SCN3A: variants seen among roughly 807,000 people sequenced by gnomAD.
SCN3A encodes the protein sodium channel protein type 3 subunit alpha.
SCN3A carries 60 observed loss-of-function variants against 187.6 expected under a neutral mutation model. The observed-to-expected ratio is 0.32, with a 90% CI of 0.26 to 0.40. The LOEUF is 0.40. SCN3A is among the 10% of genes least tolerant of loss of function. The pLI is 1.00. For missense variants in SCN3A, 1,601 were observed against 2,428.2 expected (o/e 0.66, Z 7.16); for synonymous variants, 788 against 829.2 (o/e 0.95, Z 0.85).
intron 1 of SCN3A, among the ~76,000 whole-genome samples, chr2:165,202,805 C>T (rs1692402754): frequency 6.6e-6 from 1 of 152,006 alleles, no homozygotes; most frequent in Non-Finnish European, 1.5e-5. Context: ...CCTACAAGCA[C>T]TTATGCCTTT....
intron 19 of SCN3A, among the ~76,000 whole-genome samples, chr2:165,115,179 T>A (rs922047506): frequency 2.6e-5 from 4 of 152,008 alleles, no homozygotes; most frequent in African/African-American, 9.7e-5. Flanking sequence ...GTGGCTGAGG[T>A]AGCAGCGACT....
chr2:165,137,800 C>A, intron 15 of SCN3A, 79 bp downstream of exon 15: 2 of 1,135,130 alleles, frequency 1.8e-6, no homozygotes, highest in South Asian at 2.5e-5. Flanking sequence ...GGGTTCAACA[C>A]AGCACAAATA....
intron 21 of SCN3A, among the ~76,000 whole-genome samples, chr2:165,106,015 C>T (rs1004281880): frequency 3.9e-5 from 6 of 152,126 alleles, no homozygotes; most frequent in Non-Finnish European, 8.8e-5. Context: ...ATTCACAATG[C>T]TCACATGCTA....
intron 22 of SCN3A, among the ~76,000 whole-genome samples, chr2:165,098,257 G>A (rs995180530): frequency 1.3e-5 from 2 of 152,254 alleles, no homozygotes; most frequent in African/African-American, 2.4e-5. Flanking sequence ...AAGATATTAA[G>A]ATGTATTTTG....
intron 3 of SCN3A, among the ~76,000 whole-genome samples, chr2:165,175,503 A>G (rs556224111): frequency 5.9e-5 from 9 of 152,028 alleles, no homozygotes; most frequent in Non-Finnish European, 1.0e-4. Context: ...TTGGTCTTCC[A>G]ATTTTGACAT....
intron 11 of SCN3A, among the ~76,000 whole-genome samples, chr2:165,151,004 A>G (rs1330324067): frequency 2.6e-5 from 4 of 152,180 alleles, no homozygotes; most frequent in Non-Finnish European, 5.9e-5. Context: ...TCAAATGTAG[A>G]ACTTTCTGGC....
intron 2 of SCN3A, among the ~76,000 whole-genome samples, chr2:165,177,293 C>A (rs1690530137): frequency 6.6e-6 from 1 of 152,126 alleles, no homozygotes; most frequent in African/African-American, 2.4e-5. Context: ...CCGTTCTAAA[C>A]CCTGGCTCTG....
chr2:165,174,576 G>A (rs1241659511), intron 3 of SCN3A, among the ~76,000 whole-genome samples: 3 of 152,034 alleles, frequency 2.0e-5, no homozygotes, highest in Non-Finnish European at 4.4e-5. Flanking sequence ...CTTTTTTAAG[G>A]ACACTTCCTT....
intron 2 of SCN3A, among the ~76,000 whole-genome samples, chr2:165,181,704 C>A (rs1366399180): frequency 6.6e-6 from 1 of 152,060 alleles, no homozygotes; most frequent in African/African-American, 2.4e-5. Flanking sequence ...GTCTGAATAA[C>A]CATAGTTTGT....
At chr2:165,146,691 AG>A in intron 12 of SCN3A, 47 bp downstream of exon 12, 1 of 1,606,068 alleles carries the variant, frequency 6.2e-7, no homozygotes, top group Non-Finnish European at 8.5e-7. Context: ...AAAACTAAAA[AG>A]CAATAGCAAT....
In SCN3A at chr2:165,150,184, C is replaced by T. The variant is rs151309102; in HGVS notation, c.1381-3155G>A. 1.9e-4 allele frequency among the ~76,000 whole-genome samples: 29 copies of T among 152,224 alleles called. No homozygotes were observed. In the East Asian group the frequency reaches 5.6e-3, roughly 29 times the overall value. ...CTAGGACAAAACATTGATTTCTTTGCAGGGTTTGTGTTTCTCCACATTATT... is the reference window on the plus strand; with the variant it reads ...CTAGGACAAAACATTGATTTCTTTGTAGGGTTTGTGTTTCTCCACATTATT... On this transcript the variant is annotated intron_variant, in intron 11 of 27. Transcript: ENST00000283254.
In SCN3A at chr2:165,092,376, T is replaced by G; in HGVS notation, c.4685A>C (p.Asn1562Thr). 1 of 1,613,940 alleles carries G rather than the reference T, an allele frequency of 6.2e-7. No homozygotes were observed. The highest frequency in any genetic ancestry group is 8.5e-7 in the Non-Finnish European group (1 of 1,179,948). The change falls in exon 27 of 28, where the codon AAC becomes ACC. Residue 1562 changes from asparagine (N) to threonine (T), a missense_variant. This residue lies in a region of SCN3A where 320 missense variants were observed against 623.2 expected (regional missense o/e 0.51). Transcript: ENST00000283254. This position sits in a 1 kb window ranked among gnomAD's most constrained non-coding sequence, Gnocchi z 4.2. ...AGTGAACAGAACAATGAACACTAGG[T>G]TGATCCGGGACAAAACTAGGGTCAT... ...KYMTLVLSRI[N>T]LVFIVLFTGE...
chr2:165,170,669 A>C lies in SCN3A; in HGVS notation c.265-121T>G, dbSNP rs1046758140. 4 of 663,492 alleles carry C rather than the reference A, an allele frequency of 6.0e-6. No individual in the cohort carries two copies. The African/African-American group carries it at 7.3e-5, about 12-fold the overall frequency. The allele number at this position is 663,492 out of a possible 1,614,324, so 41.1% of individuals were successfully genotyped here. ...TTGTTCAAACTTGTTTGTTTAAACC[A>C]GTTGATATATCATAACTACAAACAT... On this transcript the variant is annotated intron_variant, in intron 3 of 27. Coordinates refer to ENST00000283254, the MANE Select transcript of SCN3A (RefSeq NM_006922.4).
chr2:165,118,264 A>G (rs1001404511), intron 18 of SCN3A, among the ~76,000 whole-genome samples: 1 of 152,180 alleles, frequency 6.6e-6, no homozygotes, highest in Non-Finnish European at 1.5e-5. Context: ...TTGACAATGG[A>G]CAAGGAAAAA....
intron 2 of SCN3A, among the ~76,000 whole-genome samples, chr2:165,184,309 A>G (rs1015249625): frequency 1.3e-5 from 2 of 152,094 alleles, no homozygotes; most frequent in Non-Finnish European, 2.9e-5. Context: ...AATTCTATTG[A>G]ATGATTACTA....
intron 1 of SCN3A, among the ~76,000 whole-genome samples, chr2:165,197,216 C>T (rs887221719): frequency 9.9e-5 from 15 of 152,126 alleles, no homozygotes; most frequent in African/African-American, 3.4e-4. Context: ...TTACTTAACA[C>T]ATGCCCGCTG....
intron 19 of SCN3A, among the ~76,000 whole-genome samples, chr2:165,114,445 G>A (rs1686262861): frequency 3.9e-5 from 6 of 152,136 alleles, no homozygotes; most frequent in Admixed American, 1.3e-4. Flanking sequence ...TTCAGCCTCA[G>A]TGCTTCTCTT....
chr2:165,122,262 C>A (rs1256724451), intron 18 of SCN3A, among the ~76,000 whole-genome samples: 8 of 128,444 alleles, frequency 6.2e-5, no homozygotes, highest in Non-Finnish European at 9.7e-5. Flanking sequence ...TTTACAGAAC[C>A]TTTCCCCCAA....
chr2:165,118,759 ATATT>A (rs748183025), intron 18 of SCN3A, among the ~76,000 whole-genome samples: 2 of 151,782 alleles, frequency 1.3e-5, no homozygotes, highest in African/African-American at 2.4e-5. Flanking sequence ...GCTAACTTTT[ATATT>A]TATTTATTTA....
Sources: gnomAD v4.1 joint callset for allele counts (sites outside exome capture counted in the v4.1 genomes callset) on GRCh38, gnomAD v4.1.1 for gene constraint, gnomAD v4.1.1 regional missense constraint, Gnocchi (gnomAD v3.1) non-coding constraint, MANE v1.5 for transcripts, NCBI Gene and HGNC (gene_info 2026-07-23, HGNC 2026-07-21) for gene names.